Variants in ZFHX3 observed in about 807,000 individuals in gnomAD.
ZFHX3 encodes the protein zinc finger homeobox 3, also known as zinc finger homeobox protein 3.
In ZFHX3, 42 loss-of-function variants were observed where a neutral mutation model predicts 279.1. The ratio of observed to expected loss-of-function variants is 0.15; its 90% CI spans 0.12 to 0.19. ZFHX3 has a LOEUF of 0.19. Among genes scored for constraint, ZFHX3 ranks in the 10% least tolerant of loss-of-function variants. The pLI is 1.00. For missense variants in ZFHX3, 4,981 were observed against 4,754.0 expected (o/e 1.05, Z -1.40); for synonymous variants, 2,293 against 1,957.8 (o/e 1.17, Z -4.52).
chr16:72,984,205 T>A (rs549317290), intron 1 of ZFHX3, among the ~76,000 whole-genome samples: 25 of 152,372 alleles, frequency 1.6e-4, no homozygotes, highest in African/African-American at 6.0e-4. Context: ...AGCCACAGGC[T>A]GCAGCCTGGC....
At chr16:73,032,074 C>T (rs1446629345) in intron 1 of ZFHX3, among the ~76,000 whole-genome samples, 1 of 152,190 alleles carries the variant, frequency 6.6e-6, no homozygotes, top group Non-Finnish European at 1.5e-5. Flanking sequence ...GGCGCAGTGG[C>T]TCACGCCTGT....
At chr16:73,756,467 G>A (rs1421442726) in intron 1 of ZFHX3, among the ~76,000 whole-genome samples, 9 of 152,198 alleles carry the variant, frequency 5.9e-5, no homozygotes, top group Non-Finnish European at 1.0e-4. Context: ...ATGAGCTTGC[G>A]TCTGTCTTCT....
chr16:73,670,441 G>A (rs1341234550), intron 2 of ZFHX3, among the ~76,000 whole-genome samples: 1 of 152,170 alleles, frequency 6.6e-6, no homozygotes, highest in Non-Finnish European at 1.5e-5. Flanking sequence ...AACACTCAGA[G>A]CTCCAAATCT....
intron 3 of ZFHX3, among the ~76,000 whole-genome samples, chr16:73,403,318 C>G (rs2017294954): frequency 6.6e-6 from 1 of 152,214 alleles, no homozygotes; most frequent in African/African-American, 2.4e-5. Flanking sequence ...TGTTAGTAAC[C>G]AAGACTGGTC....
intron 1 of ZFHX3, among the ~76,000 whole-genome samples, chr16:73,685,540 G>GT (rs2053073862): frequency 6.6e-6 from 1 of 152,212 alleles, no homozygotes; most frequent in African/African-American, 2.4e-5. Context: ...GTAGCCCAAT[G>GT]AGACCCTTCT....
At chr16:73,277,182 C>T (rs557598977) in intron 4 of ZFHX3, among the ~76,000 whole-genome samples, 49 of 152,322 alleles carry the variant, frequency 3.2e-4, no homozygotes, top group African/African-American at 6.5e-4. Flanking sequence ...TTACAAAACA[C>T]GGTTGGCATG....
chr16:73,031,030 G>T (rs1035616127), intron 1 of ZFHX3, among the ~76,000 whole-genome samples: 1 of 152,138 alleles, frequency 6.6e-6, no homozygotes, highest in Non-Finnish European at 1.5e-5. Context: ...AGAATTCCTA[G>T]CCTTGGCTTC....
chr16:73,772,823 C>T (rs1385078814), intron 1 of ZFHX3, among the ~76,000 whole-genome samples: 1 of 152,196 alleles, frequency 6.6e-6, no homozygotes, highest in Non-Finnish European at 1.5e-5. Flanking sequence ...TGCATAATTA[C>T]TACCGCATAT....
intron 5 of ZFHX3, among the ~76,000 whole-genome samples, chr16:73,166,582 G>T (rs951486898): frequency 1.3e-5 from 2 of 152,144 alleles, no homozygotes; most frequent in African/African-American, 4.8e-5. Context: ...CATTCACTGG[G>T]AGAGAGGCAG....
chr16:72,991,079 T>C (rs1447079933), intron 1 of ZFHX3, among the ~76,000 whole-genome samples: 3 of 40,632 alleles, frequency 7.4e-5, no homozygotes, highest in African/African-American at 2.3e-4. Flanking sequence ...TAGGATAATA[T>C]AGTATAGCAG....
intron 3 of ZFHX3, among the ~76,000 whole-genome samples, chr16:72,905,804 G>A (rs991093923): frequency 2.0e-5 from 3 of 152,184 alleles, no homozygotes; most frequent in Non-Finnish European, 2.9e-5. Flanking sequence ...CTACAGCTCC[G>A]ATGAGTCAGA....
chr16:73,622,179 C>T (rs1472910926), intron 2 of ZFHX3, among the ~76,000 whole-genome samples: 2 of 152,074 alleles, frequency 1.3e-5, no homozygotes. Flanking sequence ...ATCCAGGATG[C>T]AAAGAAAAAT....
chr16:73,272,540 T>G (rs1384317015), intron 4 of ZFHX3, among the ~76,000 whole-genome samples: 1 of 152,198 alleles, frequency 6.6e-6, no homozygotes, highest in African/African-American at 2.4e-5. Context: ...AGCACCTAAC[T>G]TGTACCAAGG....
chr16:73,430,417 C>T (rs538200129), intron 3 of ZFHX3, among the ~76,000 whole-genome samples: 1 of 152,250 alleles, frequency 6.6e-6, no homozygotes, highest in South Asian at 2.1e-4. Flanking sequence ...GCAAAGCTAC[C>T]TCAGCTACAC....
intron 1 of ZFHX3, among the ~76,000 whole-genome samples, chr16:73,857,284 C>T (rs941367684): frequency 1.3e-5 from 2 of 152,114 alleles, no homozygotes; most frequent in Non-Finnish European, 2.9e-5. Context: ...ATGCAATATA[C>T]TGAAACCCAA....
At chr16:73,109,973 G>T (rs1010109464) in intron 7 of ZFHX3, among the ~76,000 whole-genome samples, 1 of 152,222 alleles carries the variant, frequency 6.6e-6, no homozygotes, top group East Asian at 1.9e-4. Context: ...GGGCGCAGTG[G>T]CTCATGCCTG....
upstream of ZFHX3, chr16:73,060,491 A>AGT (rs1965668276): frequency 6.6e-6 from 1 of 151,120 alleles, no homozygotes; most frequent in Non-Finnish European, 1.5e-5. Flanking sequence ...AACAAGAGTC[A>AGT]GTGTCTGTCT....
rs142980187 is a variant in ZFHX3, at chr16:73,184,558, T to C, written c.-1103-40727A>G. ...CAGAGGGAAAGGCAGGTCGTGAGCC[T>C]GTGGGGCAGGTGGAGAGTCAAAATC... On this transcript the variant is annotated intron_variant, in intron 5 of 17. Coordinates refer to the ZFHX3 transcript ENST00000641206. 4.3e-4 allele frequency among the ~76,000 whole-genome samples: 65 copies of C among 152,276 alleles called. 1 individual carries two copies. The East Asian group carries it at 0.012, about 28-fold the overall frequency.
intron 1 of ZFHX3, among the ~76,000 whole-genome samples, chr16:73,860,217 A>C (rs1253758409): frequency 6.6e-6 from 1 of 152,204 alleles, no homozygotes; most frequent in East Asian, 1.9e-4. Flanking sequence ...CAACAGTTTG[A>C]AAAATGACAA....
Sources: gnomAD v4.1 joint callset for allele counts (sites outside exome capture counted in the v4.1 genomes callset) on GRCh38, gnomAD v4.1.1 for gene constraint, MANE v1.5 for transcripts, NCBI Gene and HGNC (gene_info 2026-07-23, HGNC 2026-07-21) for gene names.